Variants in CADM2 observed in about 807,000 individuals in gnomAD.
CADM2 encodes the protein cell adhesion molecule 2.
A neutral mutation model predicts 49.8 loss-of-function variants in CADM2; 12 were observed. The observed-to-expected ratio is 0.24, with a 90% CI of 0.15 to 0.39. The LOEUF is 0.39. Ranked by LOEUF, CADM2 falls within the 10% of genes least tolerant of loss-of-function variation. CADM2 has a pLI of 1.00. For missense variants in CADM2, 378 were observed against 492.3 expected, an observed-to-expected ratio of 0.77 and a Z score of 2.20; for synonymous variants, 214 against 175.4, an observed-to-expected ratio of 1.22 and a Z score of -1.74.
At chr3:85,041,127 C>T (rs2035422729) in intron 1 of CADM2, among the ~76,000 whole-genome samples, 1 of 152,140 alleles carries the variant, frequency 6.6e-6, no homozygotes, top group South Asian at 2.1e-4. Context: ...ATTACTTAGT[C>T]TCTAAAACTA....
intron 1 of CADM2, among the ~76,000 whole-genome samples, chr3:85,247,338 T>C (rs1469422993): frequency 6.6e-6 from 1 of 152,132 alleles, no homozygotes; most frequent in Admixed American, 6.6e-5. Flanking sequence ...GCTCAAAGTA[T>C]GAGAAAAGAT....
intron 1 of CADM2, among the ~76,000 whole-genome samples, chr3:85,451,091 G>A (rs1020688822): frequency 8.6e-5 from 13 of 151,916 alleles, no homozygotes; most frequent in African/African-American, 3.1e-4. Flanking sequence ...TAAAGTTGAA[G>A]CTCATGATTC....
intron 1 of CADM2, among the ~76,000 whole-genome samples, chr3:85,641,440 C>A (rs1277169434): frequency 1.3e-5 from 2 of 152,156 alleles, no homozygotes; most frequent in African/African-American, 4.8e-5. Flanking sequence ...ATTATTAGAG[C>A]TGGACATTTT....
At chr3:86,025,868 C>G (rs2107100108) in intron 8 of CADM2, among the ~76,000 whole-genome samples, 1 of 152,020 alleles carries the variant, frequency 6.6e-6, no homozygotes, top group African/African-American at 2.4e-5. Context: ...AATTTAAAGG[C>G]TAATAATAGA....
intron 1 of CADM2, among the ~76,000 whole-genome samples, chr3:85,349,215 CGTTTATTAAG>C (rs2031086968): frequency 6.6e-6 from 1 of 152,104 alleles, no homozygotes; most frequent in Admixed American, 6.5e-5. Flanking sequence ...AGCCTCTCCG[CGTTTATTAAG>C]GTTTAACGTT....
chr3:85,339,070 T>A (rs954492819), intron 1 of CADM2, among the ~76,000 whole-genome samples: 3 of 151,586 alleles, frequency 2.0e-5, no homozygotes, highest in Non-Finnish European at 4.4e-5. Context: ...TTTTATGATA[T>A]GGTGACAAGA....
In CADM2 at chr3:85,069,771, G is replaced by A. The variant is rs192595606; in HGVS notation, c.61+110103G>A. On this transcript the variant is annotated intron_variant, in intron 1 of 9. Coordinates refer to ENST00000383699, the MANE Select transcript of CADM2 (RefSeq NM_001167675.2). Reference sequence around the variant, plus strand: ...AAAATAACATGAATGTGTGACCTACGTACCATTTTTCTTAATGTCTAGACG... The same window carrying A: ...AAAATAACATGAATGTGTGACCTACATACCATTTTTCTTAATGTCTAGACG... Among the ~76,000 whole-genome samples the A allele has an allele frequency of 1.8e-3, 267 of 152,108 alleles. 1 individual carries two copies. The highest frequency in any genetic ancestry group is 3.0e-3 in the Non-Finnish European group (207 of 67,944).
At chr3:85,308,753 G>A (rs1279862453) in intron 1 of CADM2, among the ~76,000 whole-genome samples, 1 of 151,902 alleles carries the variant, frequency 6.6e-6, no homozygotes, top group East Asian at 1.9e-4. Flanking sequence ...CCACTTACAT[G>A]CACACCTCTT....
chr3:86,053,434 C>A (rs951345648), intron 8 of CADM2, among the ~76,000 whole-genome samples: 12 of 151,996 alleles, frequency 7.9e-5, no homozygotes, highest in African/African-American at 2.9e-4. Flanking sequence ...GGAAGAAACC[C>A]AGTGATGTTT....
At chr3:85,681,376 A>C (rs1182827261) in intron 1 of CADM2, among the ~76,000 whole-genome samples, 1 of 150,734 alleles carries the variant, frequency 6.6e-6, no homozygotes, top group Non-Finnish European at 1.5e-5. Context: ...ATATTTTGGA[A>C]ATCACTTTCT....
chr3:85,225,173 T>C (rs1274440297), intron 1 of CADM2, among the ~76,000 whole-genome samples: 1 of 152,210 alleles, frequency 6.6e-6, no homozygotes, highest in Non-Finnish European at 1.5e-5. Flanking sequence ...TAGCGTTGAA[T>C]CCATCAATTA....
intron 1 of CADM2, among the ~76,000 whole-genome samples, chr3:85,489,409 T>C (rs1014293156): frequency 6.6e-6 from 1 of 152,172 alleles, no homozygotes; most frequent in African/African-American, 2.4e-5. Flanking sequence ...TCTGTAAATA[T>C]ATGGTAAGGT....
At chr3:85,616,253 CAT>C (rs63097161) in intron 1 of CADM2, among the ~76,000 whole-genome samples, 34,584 of 151,452 alleles carry the variant, frequency 0.23, 4,393 homozygotes, top group Non-Finnish European at 0.29. Context: ...TTTTAATCAA[CAT>C]AGTCACATTC....
At chr3:85,033,940 G>A (rs375475095) in intron 1 of CADM2, among the ~76,000 whole-genome samples, 7 of 151,820 alleles carry the variant, frequency 4.6e-5, no homozygotes, top group African/African-American at 1.7e-4. Context: ...TGCTAATATT[G>A]GTATTTCCAA....
chr3:85,823,078 A>ATACCAAATATATAAGATAAGTGAAGG (rs2073691652), intron 3 of CADM2, among the ~76,000 whole-genome samples: 1 of 152,072 alleles, frequency 6.6e-6, no homozygotes, highest in Non-Finnish European at 1.5e-5. Context: ...CATATTTAAA[A>ATACCAAATATATAAGATAAGTGAAGG]CTTTGGAATG....
At chr3:85,714,893 AGCT>A (rs1296188155) in intron 1 of CADM2, among the ~76,000 whole-genome samples, 1 of 152,036 alleles carries the variant, frequency 6.6e-6, no homozygotes, top group African/African-American at 2.4e-5. Flanking sequence ...ACCATTACAA[AGCT>A]GTTAACAGTC....
intron 1 of CADM2, among the ~76,000 whole-genome samples, chr3:85,610,348 T>G (rs1011329985): frequency 2.0e-5 from 3 of 151,974 alleles, no homozygotes; most frequent in African/African-American, 7.2e-5. Flanking sequence ...CATTTGGCTG[T>G]TTTTAAAAAA....
At chr3:85,018,314 G>C (rs2034338906) in intron 1 of CADM2, among the ~76,000 whole-genome samples, 1 of 152,164 alleles carries the variant, frequency 6.6e-6, no homozygotes, top group Admixed American at 6.5e-5. Context: ...TGGAGGAAAT[G>C]ATACTACTTG....
intron 1 of CADM2, among the ~76,000 whole-genome samples, chr3:85,076,045 G>T (rs1343340036): frequency 6.7e-6 from 1 of 150,088 alleles, no homozygotes. Context: ...AGAAGAAAAT[G>T]TTCCAGATTC....
Sources: allele counts gnomAD v4.1 joint callset (sites outside exome capture counted in the v4.1 genomes callset), GRCh38; gene constraint gnomAD v4.1.1; transcripts MANE v1.5; gene names NCBI Gene and HGNC (gene_info 2026-07-23, HGNC 2026-07-21).